The following GAS2 variants were observed in gnomAD, a reference collection of about 807,000 sequenced individuals.
GAS2 encodes growth arrest-specific protein 2.
A neutral mutation model predicts 37.5 loss-of-function variants in GAS2; 20 were observed. The ratio of observed to expected loss-of-function variants is 0.53; its 90% CI spans 0.37 to 0.77. The LOEUF is 0.77. Among genes scored for constraint, GAS2 ranks in the 30% least tolerant of loss-of-function variants. The probability of loss-of-function intolerance (pLI) is 0.00; values close to 1 mark genes in which losing one functional copy is unlikely to be tolerated. For synonymous variants in GAS2, 144 were observed against 132.2 expected, an observed-to-expected ratio of 1.09 and a Z score of -0.61; for missense variants, 336 against 373.4, an observed-to-expected ratio of 0.90 and a Z score of 0.82.
At chr11:22,685,632 A>AT in intron 2 of GAS2, 36 bp from the exon 3 acceptor site, 2 of 1,598,576 alleles carry the variant, frequency 1.3e-6, no homozygotes, top group Non-Finnish European at 1.7e-6. Flanking sequence ...CTGACATTTG[A>AT]TTTTCCTTTT....
At chr11:22,743,902 A>G (rs1853233712) in intron 5 of GAS2, among the ~76,000 whole-genome samples, 2 of 152,136 alleles carry the variant, frequency 1.3e-5, no homozygotes, top group African/African-American at 4.8e-5. Flanking sequence ...CACTAGTTAG[A>G]CTAACAAAGA....
At position 22,700,662 on chromosome 11, in the gene GAS2, A is replaced by C. The variant is rs371955431; in HGVS notation, c.267+14873A>C. ...TATTTGAGTTCAGAGCATTATATAA[A>C]GGTAAAAATTATGATAAAAATGAGC... On this transcript the variant is annotated intron_variant, in intron 3 of 7. Coordinates refer to ENST00000454584, the MANE Select transcript of GAS2 (RefSeq NM_001143830.3). Among the ~76,000 whole-genome samples, 213 of 152,298 alleles carry C rather than the reference A, an allele frequency of 1.4e-3. 1 individual carries two copies. Among genetic ancestry groups the C allele is most frequent in the African/African-American group, 4.9e-3 (205 of 41,580 alleles).
chr11:22,794,050 G>A (rs959769318), intron 7 of GAS2, among the ~76,000 whole-genome samples: 4 of 151,678 alleles, frequency 2.6e-5, no homozygotes, highest in Admixed American at 2.0e-4. Context: ...ATAGTGAATT[G>A]TATGACAGCA....
chr11:22,661,807 C>G (rs1488426880), upstream of GAS2, among the ~76,000 whole-genome samples: 1 of 152,096 alleles, frequency 6.6e-6, no homozygotes, highest in Non-Finnish European at 1.5e-5. Context: ...TAATTGAGAC[C>G]TTACCTCACT....
chr11:22,655,473 A>G (rs913694848), intron 1 of GAS2, among the ~76,000 whole-genome samples: 1 of 152,214 alleles, frequency 6.6e-6, no homozygotes, highest in African/African-American at 2.4e-5. Flanking sequence ...TTCCAAAAAC[A>G]TTATCAGAAT....
intron 1 of GAS2, among the ~76,000 whole-genome samples, chr11:22,640,999 C>T (rs1341772101): frequency 6.6e-6 from 1 of 151,676 alleles, no homozygotes; most frequent in Non-Finnish European, 1.5e-5. Flanking sequence ...TCATCTGTTT[C>T]TTCCATTTTT....
At chr11:22,770,893 G>A (rs1034025334) in intron 7 of GAS2, among the ~76,000 whole-genome samples, 2 of 152,124 alleles carry the variant, frequency 1.3e-5, no homozygotes, top group Non-Finnish European at 2.9e-5. Context: ...AAGACGGAGA[G>A]CATTTTATGA....
In GAS2 at chr11:22,682,802, T is replaced by C. The variant is rs193123683; in HGVS notation, c.146-2866T>C. ...CAGAGGTTGCAGTGAGCCAAGATCG[T>C]GCCACTGCACTCCAGCCTGACGAGA... On this transcript the variant is annotated intron_variant, in intron 2 of 7. Transcript: ENST00000454584. Among the ~76,000 whole-genome samples, 60 of 134,706 alleles carry C rather than the reference T, an allele frequency of 4.5e-4. 1 individual carries two copies. Among genetic ancestry groups the C allele is most frequent in the Non-Finnish European group, 8.3e-4 (54 of 65,078 alleles). 88.4% of individuals were successfully genotyped at this position (134,706 alleles called of 152,430 possible). A position where few individuals can be genotyped will look rare whatever the true frequency, so the allele number is the denominator to read the frequency against.
At position 22,635,554 on chromosome 11, in the gene GAS2, G is replaced by A. The variant is rs146888348; in HGVS notation, c.-21+9741G>A. ...CCTTCCCTACCAAGACAGTAAAGGT[G>A]GCTTTCAAGCCACACCCCTCCCTGT... is the stretch of plus-strand genomic sequence containing the variant. On this transcript the variant is annotated intron_variant, in intron 1 of 5. Transcript: ENST00000528582. 1.8e-3 allele frequency among the ~76,000 whole-genome samples: 276 copies of A among 152,328 alleles called. 1 individual carries two copies. The highest frequency in any genetic ancestry group is 6.2e-3 in the African/African-American group (256 of 41,590).
chr11:22,811,653 G>A, intron 7 of GAS2, 145 bp from the exon 8 acceptor site: 1 of 731,848 alleles, frequency 1.4e-6, no homozygotes, highest in Non-Finnish European at 2.3e-6. Context: ...TAGACTATAT[G>A]CTAACTCAGA....
intron 3 of GAS2, among the ~76,000 whole-genome samples, chr11:22,725,983 C>T (rs919685052): frequency 6.6e-6 from 1 of 151,882 alleles, no homozygotes; most frequent in Non-Finnish European, 1.5e-5. Flanking sequence ...TGATAGAATG[C>T]TTAGATGAAA....
In GAS2 at chr11:22,685,922, G is replaced by A. The variant is rs559854631; in HGVS notation, c.267+133G>A. 5.2e-4 allele frequency: 352 copies of A among 677,084 alleles called. 1 individual carries two copies. In the African/African-American group the frequency reaches 5.7e-3, roughly 11 times the overall value. The allele number at this position is 677,084 out of a possible 1,614,324, so 41.9% of individuals were successfully genotyped here. A position where few individuals can be genotyped will look rare whatever the true frequency, so the allele number is the denominator to read the frequency against. ...CTATACTAACAACAAAGTACAGAGA[G>A]TTCTTTTTAATTAGGTAACATGTTA... On this transcript the variant is annotated intron_variant, in intron 3 of 7. Coordinates refer to ENST00000454584, the MANE Select transcript of GAS2 (RefSeq NM_001143830.3).
chr11:22,737,561 G>T, intron 4 of GAS2, 144 bp from the exon 5 acceptor site: 1 of 719,416 alleles, frequency 1.4e-6, no homozygotes, highest in African/African-American at 1.7e-5. Context: ...ATGTATTGAG[G>T]TATGGGATGG....
chr11:22,652,965 G>T lies in GAS2; in HGVS notation c.-20-21885G>T, dbSNP rs897318201. ...TCCTCCACAACCTCTTTCTTTCTTT[G>T]TCTTTCTTTCTTTGTCTTTCTTTCT... On this transcript the variant is annotated intron_variant, in intron 1 of 5. Transcript: ENST00000528582. 6.9e-4 allele frequency among the ~76,000 whole-genome samples: 103 copies of T among 150,142 alleles called. 1 individual carries two copies. The highest frequency in any genetic ancestry group is 2.4e-4 in the Non-Finnish European group (16 of 67,482).
intron 1 of GAS2, among the ~76,000 whole-genome samples, chr11:22,668,678 C>A (rs1463397700): frequency 6.6e-6 from 1 of 152,166 alleles, no homozygotes; most frequent in African/African-American, 2.4e-5. Flanking sequence ...TATATTAACC[C>A]TAAGTATGTT....
intron 7 of GAS2, among the ~76,000 whole-genome samples, chr11:22,778,119 A>T (rs996394702): frequency 6.6e-6 from 1 of 152,190 alleles, no homozygotes; most frequent in Non-Finnish European, 1.5e-5. Flanking sequence ...CTAGAAAAAA[A>T]TTTAGTTGAA....
intron 4 of GAS2, among the ~76,000 whole-genome samples, chr11:22,735,630 G>C (rs1362155288): frequency 6.6e-6 from 1 of 151,764 alleles, no homozygotes; most frequent in Non-Finnish European, 1.5e-5. Context: ...TCCTACATGT[G>C]AAATTGTCTT....
chr11:22,659,436 T>C (rs998512357), intron 1 of GAS2, among the ~76,000 whole-genome samples: 1 of 152,192 alleles, frequency 6.6e-6, no homozygotes, highest in Non-Finnish European at 1.5e-5. Flanking sequence ...CTGACCCCCA[T>C]CTATCCTCGA....
At chr11:22,722,786 CAATT>C (rs746593635) in intron 3 of GAS2, among the ~76,000 whole-genome samples, 20 of 151,942 alleles carry the variant, frequency 1.3e-4, no homozygotes, top group Admixed American at 2.6e-4. Context: ...GGCAGTCTAA[CAATT>C]CATTCATTCA....
Sources: allele counts gnomAD v4.1 joint callset (sites outside exome capture counted in the v4.1 genomes callset), GRCh38; gene constraint gnomAD v4.1.1; transcripts MANE v1.5; gene names NCBI Gene and HGNC (gene_info 2026-07-23, HGNC 2026-07-21).